Variants in RIMS1 observed in about 807,000 individuals in gnomAD.
The protein encoded by RIMS1 is regulating synaptic membrane exocytosis protein 1.
RIMS1 carries 83 observed loss-of-function variants against 214.1 expected under a neutral mutation model. The observed-to-expected ratio is 0.39, with a 90% CI of 0.32 to 0.47. RIMS1 has a LOEUF of 0.47. RIMS1 is among the 20% of genes least tolerant of loss of function. The probability of loss-of-function intolerance (pLI) is 0.99; values close to 1 mark genes in which losing one functional copy is unlikely to be tolerated. For synonymous variants in RIMS1, 793 were observed against 786.8 expected, an observed-to-expected ratio of 1.01 and a Z score of -0.13; for missense variants, 2,050 against 2,161.8, an observed-to-expected ratio of 0.95 and a Z score of 1.03.
At chr6:71,958,699 G>A (rs539228109) in intron 1 of RIMS1, among the ~76,000 whole-genome samples, 37 of 152,086 alleles carry the variant, frequency 2.4e-4, no homozygotes, top group Non-Finnish European at 5.0e-4. Flanking sequence ...GGGAGGTGAA[G>A]TCTGGAAATG....
intron 2 of RIMS1, among the ~76,000 whole-genome samples, chr6:72,005,562 T>C (rs1405235921): frequency 6.6e-6 from 1 of 152,210 alleles, no homozygotes; most frequent in Non-Finnish European, 1.5e-5. Flanking sequence ...AAAATTGTAT[T>C]TGCTTTCCCT....
intron 28 of RIMS1, among the ~76,000 whole-genome samples, chr6:72,330,449 G>A (rs960225494): frequency 2.0e-5 from 3 of 151,898 alleles, no homozygotes; most frequent in Admixed American, 6.6e-5. Flanking sequence ...TTTCTATACT[G>A]ATCACTTTTT....
intron 1 of RIMS1, among the ~76,000 whole-genome samples, chr6:71,941,309 G>A (rs1245128025): frequency 6.6e-6 from 1 of 152,098 alleles, no homozygotes; most frequent in Non-Finnish European, 1.5e-5. Flanking sequence ...TTTGCATTCT[G>A]TTGGATTTAT....
chr6:72,227,082 TAC>T (rs1394039133), intron 6 of RIMS1, among the ~76,000 whole-genome samples: 1 of 151,938 alleles, frequency 6.6e-6, no homozygotes, highest in Non-Finnish European at 1.5e-5. Context: ...CAACTCGGAG[TAC>T]AAAGTTCTTT....
chr6:72,036,300 A>T (rs1428971733), intron 2 of RIMS1, among the ~76,000 whole-genome samples: 1 of 152,220 alleles, frequency 6.6e-6, no homozygotes, highest in African/African-American at 2.4e-5. Context: ...TATAATACAG[A>T]AAGGCAAGAC....
At chr6:72,268,983 C>A (rs1591347211) in intron 22 of RIMS1, among the ~76,000 whole-genome samples, 1 of 152,222 alleles carries the variant, frequency 6.6e-6, no homozygotes, top group South Asian at 2.1e-4. Flanking sequence ...GGTTTTCAAA[C>A]AAATTGTTAC....
intron 4 of RIMS1, among the ~76,000 whole-genome samples, chr6:72,153,803 G>A (rs1231231448): frequency 6.6e-6 from 1 of 152,182 alleles, no homozygotes; most frequent in African/African-American, 2.4e-5. Context: ...GAAATCTGAT[G>A]AGTATAACAA....
intron 6 of RIMS1, among the ~76,000 whole-genome samples, chr6:72,211,365 C>T (rs1274401799): frequency 6.6e-6 from 1 of 152,100 alleles, no homozygotes; most frequent in African/African-American, 2.4e-5. Context: ...AGATTTACAT[C>T]CTATCAAAGT....
chr6:71,922,530 A>T (rs940271768), intron 1 of RIMS1, among the ~76,000 whole-genome samples: 3 of 152,316 alleles, frequency 2.0e-5, no homozygotes, highest in Admixed American at 2.0e-4. Flanking sequence ...ATAGAGCGAG[A>T]TCCTGTCTCA....
At chr6:72,293,904 T>G (rs1416940180) in intron 26 of RIMS1, among the ~76,000 whole-genome samples, 1 of 151,786 alleles carries the variant, frequency 6.6e-6, no homozygotes, top group Admixed American at 6.6e-5. Flanking sequence ...GTGGAGTTAC[T>G]TTGATATTTA....
chr6:72,373,330 T>G (rs1281342901), intron 29 of RIMS1, among the ~76,000 whole-genome samples: 1 of 152,234 alleles, frequency 6.6e-6, no homozygotes, highest in African/African-American at 2.4e-5. Flanking sequence ...AGTATCAGGT[T>G]TGTTTTTACC....
At chr6:72,130,696 T>G (rs1157009744) in intron 4 of RIMS1, among the ~76,000 whole-genome samples, 1 of 152,170 alleles carries the variant, frequency 6.6e-6, no homozygotes, top group East Asian at 1.9e-4. Context: ...GGAATACATA[T>G]ATGATAGACA....
intron 2 of RIMS1, among the ~76,000 whole-genome samples, chr6:72,085,496 C>T (rs1401598633): frequency 6.6e-6 from 1 of 152,104 alleles, no homozygotes; most frequent in African/African-American, 2.4e-5. Flanking sequence ...AGCATATTTT[C>T]AGAGGGGTAG....
At chr6:72,398,075 T>C (rs1283139096) in intron 31 of RIMS1, among the ~76,000 whole-genome samples, 174 bp from the exon 32 acceptor site, 1 of 152,178 alleles carries the variant, frequency 6.6e-6, no homozygotes, top group Non-Finnish European at 1.5e-5. Context: ...GTTTCCAAAT[T>C]TGATTTGGAA....
intron 4 of RIMS1, among the ~76,000 whole-genome samples, chr6:72,163,632 G>C (rs1046845092): frequency 6.4e-5 from 9 of 140,862 alleles, no homozygotes; most frequent in African/African-American, 2.2e-4. Context: ...GTCTGTTGGA[G>C]TTTGCTGGAG....
chr6:72,219,415 T>C (rs2057570288), intron 6 of RIMS1, among the ~76,000 whole-genome samples: 1 of 152,128 alleles, frequency 6.6e-6, no homozygotes, highest in Non-Finnish European at 1.5e-5. Context: ...AGTGGGTCAA[T>C]TACTTGCAGA....
intron 2 of RIMS1, among the ~76,000 whole-genome samples, chr6:72,024,708 A>G (rs1303376264): frequency 6.6e-6 from 1 of 152,236 alleles, no homozygotes; most frequent in East Asian, 1.9e-4. Flanking sequence ...AGCCTACTCT[A>G]TAACAAGCAA....
At chr6:71,966,340 ATTT>A (rs1399270558) in intron 1 of RIMS1, among the ~76,000 whole-genome samples, 1 of 151,950 alleles carries the variant, frequency 6.6e-6, no homozygotes, top group Non-Finnish European at 1.5e-5. Flanking sequence ...TAATGTGTTT[ATTT>A]TTATTATTCA....
chr6:72,240,637 T>C (rs924431055), intron 9 of RIMS1, among the ~76,000 whole-genome samples: 52 of 146,638 alleles, frequency 3.5e-4, no homozygotes, highest in African/African-American at 8.7e-4. Flanking sequence ...TTTCTTTTTT[T>C]TTTTTTTTTT....
Sources: gnomAD v4.1 joint callset for allele counts (sites outside exome capture counted in the v4.1 genomes callset) on GRCh38, gnomAD v4.1.1 for gene constraint, MANE v1.5 for transcripts, NCBI Gene and HGNC (gene_info 2026-07-23, HGNC 2026-07-21) for gene names.